The following TRANK1 variants were observed in gnomAD, a reference collection of about 807,000 sequenced individuals.
TRANK1 encodes TPR and ankyrin repeat-containing protein 1.
A neutral mutation model predicts 266.0 loss-of-function variants in TRANK1; 198 were observed. That is an observed-to-expected ratio of 0.74 (90% CI 0.66 to 0.84). TRANK1 has a LOEUF of 0.84. TRANK1 is among the 40% of genes least tolerant of loss of function. The pLI is 0.00. For synonymous variants in TRANK1, 1,396 were observed against 1,384.1 expected, an observed-to-expected ratio of 1.01 and a Z score of -0.19; for missense variants, 3,326 against 3,634.6, an observed-to-expected ratio of 0.92 and a Z score of 2.18.
chr3:36,851,654 C>A (rs2078985441), intron 15 of TRANK1, 65 bp downstream of exon 15: 1 of 1,535,374 alleles, frequency 6.5e-7, no homozygotes, highest in Admixed American at 2.2e-5. Flanking sequence ...AAATTCTCTT[C>A]CCCAGAGGGA....
At chr3:36,914,767 A>G (rs1288830747) in intron 1 of TRANK1, among the ~76,000 whole-genome samples, 2 of 151,086 alleles carry the variant, frequency 1.3e-5, no homozygotes, top group African/African-American at 4.9e-5. Flanking sequence ...CTTCCCTAGT[A>G]GCTGCTATTA....
At chr3:36,840,977 T>C (rs2078835990) in intron 18 of TRANK1, among the ~76,000 whole-genome samples, 1 of 152,218 alleles carries the variant, frequency 6.6e-6, no homozygotes, top group Admixed American at 6.5e-5. Context: ...TGCTACAGAC[T>C]TAAAGCAATT....
At chr3:36,908,573 A>G (rs2080007587) in intron 1 of TRANK1, 119 bp from the exon 2 acceptor site, 1 of 1,230,990 alleles carries the variant, frequency 8.1e-7, no homozygotes, top group Non-Finnish European at 1.0e-6. Flanking sequence ...CCCACCTTCA[A>G]AGGGCACATC....
chr3:36,847,535 G>A (rs976635610), intron 15 of TRANK1, among the ~76,000 whole-genome samples, 189 bp from the exon 16 acceptor site: 11 of 152,280 alleles, frequency 7.2e-5, no homozygotes, highest in African/African-American at 2.4e-4. Context: ...AGAGATCAGG[G>A]AAGTTGTGAA....
intron 9 of TRANK1, 115 bp downstream of exon 9, chr3:36,874,011 C>CATAT (rs1218462509): frequency 1.1e-6 from 1 of 907,876 alleles, no homozygotes; most frequent in South Asian, 3.3e-5. Context: ...GTCTCACTTC[C>CATAT]ATATATATAT....
chr3:36,944,731 G>C (rs919455171), intron 1 of TRANK1, 56 bp downstream of exon 1: 29 of 1,496,018 alleles, frequency 1.9e-5, no homozygotes, highest in African/African-American at 2.9e-5. Flanking sequence ...CCGCCAGGAA[G>C]GGTGGCGGGC....
intron 2 of TRANK1, among the ~76,000 whole-genome samples, chr3:36,905,285 T>C (rs1295661464): frequency 7.0e-6 from 1 of 143,416 alleles, no homozygotes; most frequent in African/African-American, 2.6e-5. Flanking sequence ...AGCAAGACTC[T>C]GTCTCAAAAA....
Position 36,828,205 on chromosome 3 carries a change from C to G in TRANK1, c.*70G>C. 1 of 1,140,482 alleles carries G rather than the reference C, an allele frequency of 8.8e-7. No homozygotes were observed. The highest frequency in any genetic ancestry group is 1.5e-5 in the African/African-American group (1 of 65,126). 70.6% of individuals were successfully genotyped at this position (1,140,482 alleles called of 1,614,324 possible). ...TAATTCACATTCTTTTTGTCTTCTG[C>G]CCCAGCGCTCAGAATTCTAAGTCAG... On this transcript the variant is annotated 3_prime_UTR_variant, in exon 24 of 24. Transcript: ENST00000645898.
chr3:36,917,950 G>A lies in TRANK1; in HGVS notation c.24-9496C>T, dbSNP rs1027337891. 2.6e-5 allele frequency among the ~76,000 whole-genome samples: 4 copies of A among 152,186 alleles called. No individual in the cohort carries two copies. In the South Asian group the frequency reaches 8.3e-4, roughly 31 times the overall value. ...GGAGCTATAATGAAAAAATGCTTGA[G>A]TAACACTACCCTAGAGGAAATTGAG... On this transcript the variant is annotated intron_variant, in intron 1 of 23. Transcript: ENST00000645898.
Position 36,905,361 on chromosome 3 carries a change from T to C in TRANK1, c.156-2086A>G, listed in dbSNP as rs527723120. ...GTGACAATATTTGAACATGGAACCATTGGGAGGTAATTATGTTTAGCTGAG... is the reference window on the plus strand; with the variant it reads ...GTGACAATATTTGAACATGGAACCACTGGGAGGTAATTATGTTTAGCTGAG... On this transcript the variant is annotated intron_variant, in intron 2 of 23. Transcript: ENST00000645898. 9.9e-5 allele frequency among the ~76,000 whole-genome samples: 15 copies of C among 151,658 alleles called. 1 individual carries two copies. In the South Asian group the frequency reaches 2.1e-3, roughly 21 times the overall value.
At chr3:36,936,900 G>A (rs1275384210) in intron 1 of TRANK1, among the ~76,000 whole-genome samples, 4 of 152,124 alleles carry the variant, frequency 2.6e-5, no homozygotes, top group African/African-American at 4.8e-5. Flanking sequence ...TCAGAAGTTC[G>A]AGACTGGCCT....
chr3:36,861,688 T>C (rs981734936), intron 10 of TRANK1, among the ~76,000 whole-genome samples: 2 of 151,376 alleles, frequency 1.3e-5, no homozygotes, highest in African/African-American at 4.9e-5. Flanking sequence ...TGTTGGTGAA[T>C]CTTAAGAGTA....
intron 1 of TRANK1, among the ~76,000 whole-genome samples, chr3:36,939,256 A>AACACACAC (rs1301836466): frequency 7.7e-6 from 1 of 129,212 alleles, no homozygotes; most frequent in African/African-American, 3.1e-5. Flanking sequence ...TTCCCATTCT[A>AACACACAC]ACATACACAC....
At chr3:36,890,064 C>G in intron 7 of TRANK1, 104 bp from the exon 8 acceptor site, 1 of 1,438,930 alleles carries the variant, frequency 6.9e-7, no homozygotes, top group Non-Finnish European at 9.3e-7. Context: ...AGAAAATCAG[C>G]AAAGCAAGTC....
At chr3:36,899,370 T>C (rs1297439069) in intron 3 of TRANK1, 111 bp from the exon 4 acceptor site, 1 of 1,234,280 alleles carries the variant, frequency 8.1e-7, no homozygotes, top group African/African-American at 1.5e-5. Context: ...AAGTCTGACT[T>C]CTGGCTGGGC....
At chr3:36,850,725 T>A (rs1253026668) in intron 15 of TRANK1, 1 of 984,324 alleles carries the variant, frequency 1.0e-6, no homozygotes, top group Non-Finnish European at 1.2e-6. Context: ...AAAGCACCTA[T>A]ATCAATATTG....
In TRANK1 at chr3:36,832,321, C is replaced by T; in HGVS notation, c.7262G>A (p.Arg2421Lys). The change falls in exon 22 of 24, where the codon AGG becomes AAG. Residue 2421 changes from arginine (R) to lysine (K), a missense_variant. Transcript: ENST00000645898. ...GAGCCTCTTGTAGTCTTCTGGGTTC[C>T]TGTACACGTAGAATTGATCAATGCA... ...ENCIDQFYVY[R>K]NPEDYKRLFF... is the part of the protein sequence containing the mutation. 6.2e-7 allele frequency: 1 copy of T among 1,613,980 alleles called. No individual in the cohort carries two copies. Among genetic ancestry groups the T allele is most frequent in the Admixed American group, 1.7e-5 (1 of 60,028 alleles).
Position 36,929,731 on chromosome 3 carries a change from C to T in TRANK1, c.23+15056G>A, listed in dbSNP as rs183173784. Among the ~76,000 whole-genome samples the T allele has an allele frequency of 1.5e-4, 23 of 152,232 alleles. No homozygotes were observed. In the South Asian group the frequency reaches 4.4e-3, roughly 29 times the overall value. On this transcript the variant is annotated intron_variant, in intron 1 of 23. Coordinates refer to ENST00000645898, the MANE Select transcript of TRANK1 (RefSeq NM_001329998.2). ...CATTACATGGTAAAAGGAAGTTTACCGATGTAATTATCATTACAGACCATA... is the reference window on the plus strand; with the variant it reads ...CATTACATGGTAAAAGGAAGTTTACTGATGTAATTATCATTACAGACCATA...
chr3:36,919,541 T>C (rs1465146399), intron 1 of TRANK1, among the ~76,000 whole-genome samples: 1 of 152,234 alleles, frequency 6.6e-6, no homozygotes, highest in African/African-American at 2.4e-5. Flanking sequence ...GGCATTTGAA[T>C]TGTTTCCAGT....
Sources: gnomAD v4.1 joint callset for allele counts (sites outside exome capture counted in the v4.1 genomes callset) on GRCh38, gnomAD v4.1.1 for gene constraint, MANE v1.5 for transcripts, NCBI Gene and HGNC (gene_info 2026-07-23, HGNC 2026-07-21) for gene names.